Variants in PLPBP observed in about 807,000 individuals in gnomAD.
The protein encoded by PLPBP is pyridoxal phosphate binding protein.
A neutral mutation model predicts 31.2 loss-of-function variants in PLPBP; 21 were observed. The ratio of observed to expected loss-of-function variants is 0.67; its 90% CI spans 0.48 to 0.97. The LOEUF is 0.97. Ranked by LOEUF, PLPBP falls within the 50% of genes least tolerant of loss-of-function variation. The pLI is 0.00. For missense variants in PLPBP, 308 were observed against 354.4 expected (o/e 0.87, Z 1.05); for synonymous variants, 124 against 135.6 (o/e 0.91, Z 0.59).
At chr8:37,768,335 G>A (rs1190158556) in intron 4 of PLPBP, among the ~76,000 whole-genome samples, 1 of 152,058 alleles carries the variant, frequency 6.6e-6, no homozygotes, top group Non-Finnish European at 1.5e-5. Context: ...CTTGAAGGTG[G>A]ACTGTTGTAA....
chr8:37,766,650 T>C, intron 4 of PLPBP: 1 of 1,006,712 alleles, frequency 9.9e-7, no homozygotes. Context: ...TTTTTTTAAC[T>C]AGCAAAAGAG....
At chr8:37,765,242 G>A (rs1157260675) in intron 1 of PLPBP, among the ~76,000 whole-genome samples, 4 of 152,214 alleles carry the variant, frequency 2.6e-5, no homozygotes, top group African/African-American at 9.6e-5. Context: ...ACACTTACAG[G>A]AAATACTGCT....
intron 4 of PLPBP, among the ~76,000 whole-genome samples, chr8:37,770,421 T>C (rs1274156882): frequency 1.3e-5 from 2 of 152,154 alleles, no homozygotes; most frequent in Non-Finnish European, 2.9e-5. Context: ...AAACTAGATA[T>C]CCATATGCAG....
At chr8:37,773,162 G>T (rs1189555208) in intron 5 of PLPBP, among the ~76,000 whole-genome samples, 1 of 150,918 alleles carries the variant, frequency 6.6e-6, no homozygotes, top group African/African-American at 2.5e-5. Flanking sequence ...TTGTGACTTC[G>T]TTTTGTATTT....
Position 37,779,620 on chromosome 8 carries a change from G to A in PLPBP, c.*1516G>A, listed in dbSNP as rs1358564839. On this transcript the variant is annotated 3_prime_UTR_variant, in exon 8 of 8. Coordinates refer to ENST00000328195, the MANE Select transcript of PLPBP (RefSeq NM_007198.4). ...TCAAAACATCATGATGCTGCCAAAT[G>A]TACTTTTGTAAACTTAAACATTATG... 1.3e-5 allele frequency: 2 copies of A among 152,648 alleles called. No homozygotes were observed. The highest frequency in any genetic ancestry group is 2.9e-5 in the Non-Finnish European group (2 of 68,038). The allele number at this position is 152,648 out of a possible 1,614,324, so 9.5% of individuals were successfully genotyped here.
At chr8:37,774,544 C>T (rs1158841689) in intron 5 of PLPBP, among the ~76,000 whole-genome samples, 1 of 152,210 alleles carries the variant, frequency 6.6e-6, no homozygotes, top group Non-Finnish European at 1.5e-5. Context: ...GTATACAGAT[C>T]AGGCATTTGA....
chr8:37,772,956 G>A (rs1803814247), intron 5 of PLPBP, 67 bp downstream of exon 5: 1 of 1,571,886 alleles, frequency 6.4e-7, no homozygotes. Flanking sequence ...GGGAGAATGG[G>A]TGGGCCCAAG....
intron 5 of PLPBP, 36 bp from the exon 6 acceptor site, chr8:37,775,303 T>A (rs748204573): frequency 2.5e-6 from 4 of 1,613,084 alleles, no homozygotes; most frequent in Non-Finnish European, 2.5e-6. Context: ...CCATTTACCC[T>A]TGCAGTATAC....
chr8:37,776,082 CAA>C (rs1563327821), intron 7 of PLPBP, 66 bp downstream of exon 7: 2 of 1,427,448 alleles, frequency 1.4e-6, no homozygotes, highest in African/African-American at 2.8e-5. Context: ...GAGGCTGACA[CAA>C]GAGCAGATCT....
chr8:37,762,761 G>T lies in PLPBP; in HGVS notation c.99+3G>T, dbSNP rs1343112017. On this transcript the variant is annotated splice_donor_region_variant and intron_variant, in intron 1 of 7. Coordinates refer to ENST00000328195, the MANE Select transcript of PLPBP (RefSeq NM_007198.4). Reference sequence around the variant, plus strand: ...AGGCTGTGGCGCGGCGGCCGCGGGTGAGGAAGGAGGCTGCGTGGGGACGGT... The same window carrying T: ...AGGCTGTGGCGCGGCGGCCGCGGGTTAGGAAGGAGGCTGCGTGGGGACGGT... 2 of 1,558,274 alleles carry T rather than the reference G, an allele frequency of 1.3e-6. No homozygotes were observed. The highest frequency in any genetic ancestry group is 1.7e-6 in the Non-Finnish European group (2 of 1,158,874).
At chr8:37,768,696 A>C (rs1411973065) in intron 4 of PLPBP, among the ~76,000 whole-genome samples, 6 of 151,860 alleles carry the variant, frequency 4.0e-5, no homozygotes, top group Admixed American at 6.6e-5. Flanking sequence ...GCTGGTCTCA[A>C]ACTCCAGACC....
At chr8:37,770,030 G>A (rs1273444357) in intron 4 of PLPBP, among the ~76,000 whole-genome samples, 1 of 152,188 alleles carries the variant, frequency 6.6e-6, no homozygotes, top group Non-Finnish European at 1.5e-5. Flanking sequence ...CTCATGAATT[G>A]GAAAAATCAG....
In PLPBP at chr8:37,779,056, CTT is replaced by C. The variant is rs1803993985; in HGVS notation, c.*953_*954del. On this transcript the variant is annotated 3_prime_UTR_variant, in exon 8 of 8. Coordinates refer to ENST00000328195, the MANE Select transcript of PLPBP (RefSeq NM_007198.4). ...CAACTTTTTTAGAGACAGCCTGTCT[CTT>C]AAAAAAAAAATTAATTTGGTAGTGA... 6.6e-6 allele frequency: 1 copy of C among 151,862 alleles called. No homozygotes were observed. Among genetic ancestry groups the C allele is most frequent in the Non-Finnish European group, 1.5e-5 (1 of 67,984 alleles). 9.4% of individuals were successfully genotyped at this position (151,862 alleles called of 1,614,324 possible). A position where few individuals can be genotyped will look rare whatever the true frequency, so the allele number is the denominator to read the frequency against.
rs1354245328 is a variant in PLPBP, at chr8:37,762,670, C to T, written c.11C>T (p.Ala4Val). The stretch of plus-strand genomic sequence containing the variant: ...GTCGGTCCCCGGGGGATGTGGAGAG[C>T]TGGCAGCATGTCGGCCGAGCTGGGA... Reference protein sequence around the residue: MWRAGSMSAELGVG... With the variant: MWRVGSMSAELGVG... The change falls in exon 1 of 8, where the codon GCT (alanine) becomes GTT (valine). Residue 4 changes from alanine (A) to valine (V), a missense_variant. Ala to Val is a moderately conservative substitution (Grantham distance 64). This residue lies in a region of PLPBP where 120 missense variants were observed against 95.1 expected (regional missense o/e 1.26). Coordinates refer to ENST00000328195, the MANE Select transcript of PLPBP (RefSeq NM_007198.4). 9 of 1,584,100 alleles carry T rather than the reference C, an allele frequency of 5.7e-6. No individual in the cohort carries two copies. The highest frequency in any genetic ancestry group is 3.4e-5 in the South Asian group (3 of 87,244).
intron 1 of PLPBP, among the ~76,000 whole-genome samples, chr8:37,763,450 G>C (rs569400540): frequency 2.0e-5 from 3 of 152,210 alleles, no homozygotes; most frequent in Non-Finnish European, 4.4e-5. Flanking sequence ...AGGTTTCTCT[G>C]ATCGAGCATT....
intron 4 of PLPBP, 111 bp from the exon 5 acceptor site, chr8:37,772,644 G>T: frequency 7.6e-7 from 1 of 1,318,564 alleles, no homozygotes; most frequent in Non-Finnish European, 1.1e-6. Flanking sequence ...ATTTAACTGT[G>T]TTTTTCTTTT....
At chr8:37,777,062 C>T (rs1422227048) in intron 7 of PLPBP, among the ~76,000 whole-genome samples, 4 of 152,160 alleles carry the variant, frequency 2.6e-5, no homozygotes, top group South Asian at 2.1e-4. Context: ...CCACTGCACC[C>T]GTCCGAGGCT....
chr8:37,773,028 T>C, intron 5 of PLPBP, 139 bp downstream of exon 5: 1 of 1,103,210 alleles, frequency 9.1e-7, no homozygotes, highest in East Asian at 2.5e-5. Flanking sequence ...GTTGGCTGTT[T>C]TATGTGTGAT....
rs751012797 is a variant in PLPBP at position 37,778,140 on chromosome 8, C to T, written c.*36C>T. ...ACTGAGAGCACTAACTATGCACTAA[C>T]CTAGATTTTCATTTCGATATTCCCT... On this transcript the variant is annotated 3_prime_UTR_variant, in exon 8 of 8. Transcript: ENST00000328195. The T allele has an allele frequency of 6.2e-7, 1 of 1,602,334 alleles. No individual in the cohort carries two copies. Among genetic ancestry groups the T allele is most frequent in the South Asian group, 1.1e-5 (1 of 90,636 alleles).
Sources: gnomAD v4.1 joint callset for allele counts (sites outside exome capture counted in the v4.1 genomes callset) on GRCh38, gnomAD v4.1.1 for gene constraint, gnomAD v4.1.1 regional missense constraint, MANE v1.5 for transcripts, NCBI Gene and HGNC (gene_info 2026-07-23, HGNC 2026-07-21) for gene names.